Variants in RCBTB2 observed in about 807,000 individuals in gnomAD.
RCBTB2 encodes the protein RCC1 and BTB domain containing protein 2, also known as RCC1 and BTB domain-containing protein 2.
In RCBTB2, 55 loss-of-function variants were observed where a neutral mutation model predicts 65.4. The observed-to-expected ratio is 0.84, with a 90% CI of 0.68 to 1.05. The LOEUF is 1.05. Among genes scored for constraint, RCBTB2 ranks in the 50% least tolerant of loss-of-function variants. The pLI is 0.00. For missense variants in RCBTB2, 599 were observed against 680.1 expected (o/e 0.88, Z 1.33); for synonymous variants, 220 against 255.2 (o/e 0.86, Z 1.31).
intron 10 of RCBTB2, among the ~76,000 whole-genome samples, chr13:48,503,235 A>G (rs1950328376): frequency 6.6e-6 from 1 of 152,190 alleles, no homozygotes; most frequent in Admixed American, 6.5e-5. Context: ...AACCCAAGAG[A>G]GTAGTGGTCC....
chr13:48,504,199 T>C (rs899434488), intron 10 of RCBTB2: 2 of 985,318 alleles, frequency 2.0e-6, no homozygotes, highest in African/African-American at 1.7e-5. Context: ...TCCCTTGCCT[T>C]AGACTCTCTC....
upstream of RCBTB2, chr13:48,535,553 G>A: frequency 4.8e-6 from 2 of 415,788 alleles, no homozygotes; most frequent in Non-Finnish European, 9.7e-6. Context: ...ATCATGCTTG[G>A]CCCTCCTATT....
intron 13 of RCBTB2, among the ~76,000 whole-genome samples, chr13:48,497,991 T>C (rs531352164): frequency 6.6e-6 from 1 of 152,232 alleles, no homozygotes; most frequent in East Asian, 1.9e-4. Context: ...TGCCCACTTC[T>C]AGACCACACT....
intron 14 of RCBTB2, chr13:48,491,537 G>C (rs1949700445): frequency 6.6e-6 from 1 of 152,210 alleles, no homozygotes; most frequent in South Asian, 2.1e-4. Context: ...ATTATGTGCT[G>C]TTGCTTAAAT....
At chr13:48,528,274 G>A (rs1292115764) in intron 1 of RCBTB2, among the ~76,000 whole-genome samples, 1 of 152,038 alleles carries the variant, frequency 6.6e-6, no homozygotes, top group East Asian at 1.9e-4. Flanking sequence ...TTCTTCTTTA[G>A]AAGTGATTAC....
intron 14 of RCBTB2, among the ~76,000 whole-genome samples, chr13:48,493,651 C>A (rs1219347722): frequency 6.6e-6 from 1 of 152,028 alleles, no homozygotes; most frequent in East Asian, 1.9e-4. Context: ...ACCCACACCT[C>A]CTTCAGGTCT....
upstream of RCBTB2, chr13:48,535,722 G>A: frequency 2.2e-6 from 1 of 456,670 alleles, no homozygotes; most frequent in Non-Finnish European, 4.4e-6. Flanking sequence ...GCTTACAGCT[G>A]CCATCTTGAA....
At chr13:48,510,608 C>A in intron 10 of RCBTB2, 21 bp downstream of exon 10, 1 of 1,612,774 alleles carries the variant, frequency 6.2e-7, no homozygotes. Flanking sequence ...AGTGTGGGGA[C>A]TGTGAAAATG....
chr13:48,496,731 A>G (rs1316137977), intron 13 of RCBTB2, among the ~76,000 whole-genome samples: 2 of 147,850 alleles, frequency 1.4e-5, no homozygotes, highest in Non-Finnish European at 3.0e-5. Flanking sequence ...AGAAAACAAA[A>G]GAGAAGAAAA....
In RCBTB2 at chr13:48,502,735, A is replaced by G; in HGVS notation, c.1106T>C (p.Leu369Pro). The G allele has an allele frequency of 6.2e-7, 1 of 1,610,978 alleles. No homozygotes were observed. The highest frequency in any genetic ancestry group is 1.1e-5 in the South Asian group (1 of 90,838). The change falls in exon 11 of 15, where the codon CTC (leucine) becomes CCC (proline). Residue 369 changes from leucine (L) to proline (P), a missense_variant. Transcript: ENST00000344532. Reference sequence around the variant, plus strand: ...AGTGACCAGCTTACCCACGGAGAGGAGGCGCCACGTGACGGCGGGCGTGGC... The same window carrying G: ...AGTGACCAGCTTACCCACGGAGAGGGGGCGCCACGTGACGGCGGGCGTGGC... ...CFATPAVTWR[L>P]LSVEPDDHLT... is the part of the protein sequence containing the mutation.
At chr13:48,509,338 A>T (rs1337833948) in intron 10 of RCBTB2, among the ~76,000 whole-genome samples, 2 of 152,168 alleles carry the variant, frequency 1.3e-5, no homozygotes, top group African/African-American at 4.8e-5. Flanking sequence ...AAATAAAAAT[A>T]AAAAAATAAC....
intron 14 of RCBTB2, among the ~76,000 whole-genome samples, chr13:48,493,195 T>C (rs1017985743): frequency 6.9e-6 from 1 of 144,830 alleles, no homozygotes; most frequent in Non-Finnish European, 1.5e-5. Context: ...CATCACTTAC[T>C]GGATTATACA....
chr13:48,510,326 G>T (rs1429132637), intron 10 of RCBTB2, among the ~76,000 whole-genome samples: 3 of 152,144 alleles, frequency 2.0e-5, no homozygotes, highest in Admixed American at 2.0e-4. Flanking sequence ...AAGGAGGAGG[G>T]CAAAAGGGTG....
chr13:48,506,804 A>C (rs1450655091), intron 10 of RCBTB2, among the ~76,000 whole-genome samples: 2 of 152,164 alleles, frequency 1.3e-5, no homozygotes, highest in Non-Finnish European at 2.9e-5. Context: ...AGATTTTAGC[A>C]CTTTGCAGTG....
Position 48,527,356 on chromosome 13 carries a change from T to TC in RCBTB2, c.-218-2600_-218-2599insG, listed in dbSNP as rs1555310682. Reference sequence around the variant, plus strand: ...ATATATGATATATATATATATGATATATATTTATATATGATATATATATAT... The same window carrying TC: ...ATATATGATATATATATATATGATATCATATTTATATATGATATATATATAT... On this transcript the variant is annotated intron_variant, in intron 1 of 14. Coordinates refer to ENST00000344532, the MANE Select transcript of RCBTB2 (RefSeq NM_001268.4). 4.3e-3 allele frequency among the ~76,000 whole-genome samples: 473 copies of TC among 109,220 alleles called. 28 individuals are homozygous for TC. The highest frequency in any genetic ancestry group is 0.038 in the African/African-American group (447 of 11,622). 71.7% of individuals were successfully genotyped at this position (109,220 alleles called of 152,430 possible). A position where few individuals can be genotyped will look rare whatever the true frequency, so the allele number is the denominator to read the frequency against.
chr13:48,499,841 G>T, intron 12 of RCBTB2, 81 bp from the exon 13 acceptor site: 2 of 1,521,818 alleles, frequency 1.3e-6, no homozygotes, highest in Non-Finnish European at 1.8e-6. Context: ...TTCTTCTCTC[G>T]AAGGTGCACG....
chr13:48,496,467 T>TA (rs2138421097), intron 13 of RCBTB2, 146 bp from the exon 14 acceptor site: 2 of 719,370 alleles, frequency 2.8e-6, no homozygotes, highest in East Asian at 3.3e-5. Context: ...GACTGACACT[T>TA]ACACTTCAGT....
rs1950837117 is a variant in RCBTB2, at chr13:48,512,150, A to G, written c.541T>C (p.Ser181Pro). ...GEVFAWGYNN[S>P]GQVGSGSTVN... ...GTTGATCCAGATCCTACCTGCCCAGAGTTATTATAACCCCAGGCAAATACC... is the reference window on the plus strand; with the variant it reads ...GTTGATCCAGATCCTACCTGCCCAGGGTTATTATAACCCCAGGCAAATACC... The change falls in exon 8 of 15, where the codon TCT (serine) becomes CCT (proline). Residue 181 changes from serine (S) to proline (P), a missense_variant. Coordinates refer to ENST00000344532, the MANE Select transcript of RCBTB2 (RefSeq NM_001268.4). 1 of 1,614,050 alleles carries G rather than the reference A, an allele frequency of 6.2e-7. No individual in the cohort carries two copies. Among genetic ancestry groups the G allele is most frequent in the Non-Finnish European group, 8.5e-7 (1 of 1,179,890 alleles).
intron 1 of RCBTB2, among the ~76,000 whole-genome samples, chr13:48,526,869 TCACAC>T (rs1951766350): frequency 6.6e-6 from 1 of 151,980 alleles, no homozygotes; most frequent in African/African-American, 2.4e-5. Flanking sequence ...TGATCCAAGA[TCACAC>T]CACTGCACTC....
Sources: gnomAD v4.1 joint callset for allele counts (sites outside exome capture counted in the v4.1 genomes callset) on GRCh38, gnomAD v4.1.1 for gene constraint, MANE v1.5 for transcripts, NCBI Gene and HGNC (gene_info 2026-07-23, HGNC 2026-07-21) for gene names.